The following SOX6 variants were observed in gnomAD, a reference collection of about 807,000 sequenced individuals.
SOX6 encodes SRY-box transcription factor 6, also known as transcription factor SOX-6.
A neutral mutation model predicts 97.8 loss-of-function variants in SOX6; 11 were observed. The ratio of observed to expected loss-of-function variants is 0.11; its 90% CI spans 0.07 to 0.19. The LOEUF is 0.19. SOX6 is among the 10% of genes least tolerant of loss of function. The pLI is 1.00. For missense variants in SOX6, 810 were observed against 1,039.5 expected (o/e 0.78, Z 3.04); for synonymous variants, 360 against 371.4 (o/e 0.97, Z 0.35).
At chr11:16,088,681 C>G (rs1422177637) in intron 9 of SOX6, among the ~76,000 whole-genome samples, 1 of 152,022 alleles carries the variant, frequency 6.6e-6, no homozygotes, top group East Asian at 1.9e-4. Flanking sequence ...TCAAAGCTAC[C>G]ACATGTGATT....
rs10529279 is a variant in SOX6, at chr11:16,291,229, TTATATATATATA to T, written c.445+27205_445+27216del. ...AACTTCCTCTCATTTTTCTATAAATTTATATATATATATATATATATATATATATATATATAT... is the reference window on the plus strand; with the variant it reads ...AACTTCCTCTCATTTTTCTATAAATTTATATATATATATATATATATATAT... On this transcript the variant is annotated intron_variant, in intron 3 of 15. Transcript: ENST00000683767. 4.5e-3 allele frequency among the ~76,000 whole-genome samples: 652 copies of T among 143,486 alleles called. 4 individuals are homozygous for T. Among genetic ancestry groups the T allele is most frequent in the African/African-American group, 0.016 (586 of 37,676 alleles). 94.1% of individuals were successfully genotyped at this position (143,486 alleles called of 152,430 possible).
At chr11:16,593,481 A>G (rs1589998774) in intron 4 of SOX6, among the ~76,000 whole-genome samples, 1 of 151,466 alleles carries the variant, frequency 6.6e-6, no homozygotes, top group Non-Finnish European at 1.5e-5. Flanking sequence ...GCTTATATAA[A>G]CGATGGGAAG....
chr11:16,582,835 C>G (rs1848043365), intron 4 of SOX6, among the ~76,000 whole-genome samples: 1 of 151,936 alleles, frequency 6.6e-6, no homozygotes, highest in African/African-American at 2.4e-5. Flanking sequence ...GTATGAAGAT[C>G]AAATGGTTTT....
intron 9 of SOX6, among the ~76,000 whole-genome samples, chr11:16,091,160 A>G (rs1848678305): frequency 6.6e-6 from 1 of 151,944 alleles, no homozygotes; most frequent in South Asian, 2.1e-4. Context: ...ATTCCACCAC[A>G]CTCTTAAAAA....
At chr11:16,033,125 T>A (rs1855425740) in intron 12 of SOX6, among the ~76,000 whole-genome samples, 1 of 152,168 alleles carries the variant, frequency 6.6e-6, no homozygotes, top group Non-Finnish European at 1.5e-5. Context: ...CCTGAATCCC[T>A]AGCACCTAAC....
chr11:16,389,401 T>C (rs1033248703), intron 1 of SOX6, among the ~76,000 whole-genome samples: 1 of 152,174 alleles, frequency 6.6e-6, no homozygotes, highest in Non-Finnish European at 1.5e-5. Flanking sequence ...TTCTTTAAAT[T>C]GTATAATTCT....
chr11:16,148,937 C>CTT (rs1463281651), intron 6 of SOX6, among the ~76,000 whole-genome samples: 2 of 152,126 alleles, frequency 1.3e-5, no homozygotes, highest in African/African-American at 4.8e-5. Flanking sequence ...CCCTTCTGTA[C>CTT]TTTTACATAG....
intron 3 of SOX6, among the ~76,000 whole-genome samples, chr11:16,252,118 C>T (rs1853532123): frequency 6.6e-6 from 1 of 152,136 alleles, no homozygotes; most frequent in African/African-American, 2.4e-5. Flanking sequence ...ACTATTACTC[C>T]TCTATGCAAT....
At chr11:16,591,815 T>C (rs917757718) in intron 4 of SOX6, among the ~76,000 whole-genome samples, 1 of 152,134 alleles carries the variant, frequency 6.6e-6, no homozygotes, top group Non-Finnish European at 1.5e-5. Context: ...TGTAATCAAT[T>C]TGTGCAATCA....
chr11:16,191,207 C>T (rs528834360), intron 4 of SOX6, among the ~76,000 whole-genome samples: 1 of 152,170 alleles, frequency 6.6e-6, no homozygotes, highest in Non-Finnish European at 1.5e-5. Context: ...GTAATCCCAA[C>T]ACTTTGAGAG....
intron 6 of SOX6, among the ~76,000 whole-genome samples, chr11:16,176,066 CGGACGGATGGATGGATGGATGGAT>C (rs895043973): frequency 5.2e-5 from 6 of 116,068 alleles, no homozygotes; most frequent in African/African-American, 1.9e-4. Flanking sequence ...GACAGACGGA[CGGACGGATGGATGGATGGATGGAT>C]GGATGGATGG....
intron 9 of SOX6, among the ~76,000 whole-genome samples, chr11:16,064,127 C>G (rs1848032910): frequency 6.6e-6 from 1 of 151,678 alleles, no homozygotes; most frequent in Non-Finnish European, 1.5e-5. Context: ...ACAATCAGAT[C>G]TAGAAAATGT....
At chr11:16,370,947 A>G (rs1857480357) in intron 1 of SOX6, among the ~76,000 whole-genome samples, 1 of 151,942 alleles carries the variant, frequency 6.6e-6, no homozygotes, top group Non-Finnish European at 1.5e-5. Flanking sequence ...ACTCTTCTTC[A>G]TCCCTATAAT....
intron 3 of SOX6, among the ~76,000 whole-genome samples, chr11:16,298,121 A>C (rs1855152167): frequency 6.6e-6 from 1 of 152,172 alleles, no homozygotes; most frequent in Non-Finnish European, 1.5e-5. Context: ...ATACTAATAT[A>C]CGTTCTTCTG....
chr11:16,063,144 T>G (rs1847999541), intron 9 of SOX6, among the ~76,000 whole-genome samples: 1 of 151,504 alleles, frequency 6.6e-6, no homozygotes, highest in African/African-American at 2.4e-5. Context: ...ATCTCACCAA[T>G]CCACAAATAA....
At chr11:15,976,966 A>G (rs1234588171) in intron 15 of SOX6, among the ~76,000 whole-genome samples, 1 of 152,066 alleles carries the variant, frequency 6.6e-6, no homozygotes, top group East Asian at 1.9e-4. Context: ...TCCCCCTCAC[A>G]TGAATGGGCC....
chr11:16,354,570 C>T (rs1372920572), intron 1 of SOX6, among the ~76,000 whole-genome samples: 1 of 151,986 alleles, frequency 6.6e-6, no homozygotes. Flanking sequence ...ACAGCATCTG[C>T]TGCTGATAAC....
chr11:16,736,083 C>CCT (rs1428112314), intron 2 of SOX6, among the ~76,000 whole-genome samples: 1 of 152,196 alleles, frequency 6.6e-6, no homozygotes, highest in Non-Finnish European at 1.5e-5. Context: ...AGTTTCTAGG[C>CCT]CTCATATAAG....
At chr11:16,451,983 A>AAAATAAAT (rs58495641) in intron 1 of SOX6, among the ~76,000 whole-genome samples, 30,017 of 143,694 alleles carry the variant, frequency 0.21, 3,508 homozygotes, top group Admixed American at 0.35. Context: ...ACCCTATCTA[A>AAAATAAAT]AAATAAATAA....
Sources: gnomAD v4.1 joint callset for allele counts (sites outside exome capture counted in the v4.1 genomes callset) on GRCh38, gnomAD v4.1.1 for gene constraint, MANE v1.5 for transcripts, NCBI Gene and HGNC (gene_info 2026-07-23, HGNC 2026-07-21) for gene names.